ADIPOR2: variants seen among roughly 807,000 people sequenced by gnomAD.
ADIPOR2 encodes adiponectin receptor 2.
ADIPOR2 carries 18 observed loss-of-function variants against 40.9 expected under a neutral mutation model. The observed-to-expected ratio is 0.44, with a 90% CI of 0.30 to 0.65. The LOEUF is 0.65. ADIPOR2 is among the 30% of genes least tolerant of loss of function. The pLI, the probability that ADIPOR2 is intolerant of heterozygous loss-of-function variation, is 0.09. For missense variants in ADIPOR2, 283 were observed against 479.2 expected (o/e 0.59, Z 3.82); for synonymous variants, 165 against 166.4 (o/e 0.99, Z 0.06).
chr12:1,717,946 C>T (rs922006548), intron 1 of ADIPOR2, among the ~76,000 whole-genome samples: 1 of 152,054 alleles, frequency 6.6e-6, no homozygotes, highest in Non-Finnish European at 1.5e-5. Flanking sequence ...TATTACCCTA[C>T]CATGCTTGAA....
chr12:1,731,416 T>C (rs890941000), intron 1 of ADIPOR2, among the ~76,000 whole-genome samples: 1 of 152,212 alleles, frequency 6.6e-6, no homozygotes, highest in African/African-American at 2.4e-5. Context: ...GCATTAGGTA[T>C]ATTCACAATG....
chr12:1,737,993 G>T (rs1185439362), intron 1 of ADIPOR2, among the ~76,000 whole-genome samples: 2 of 151,930 alleles, frequency 1.3e-5, no homozygotes, highest in Non-Finnish European at 1.5e-5. Context: ...ACATACTAAG[G>T]CAGGGGTGGG....
chr12:1,753,245 C>T (rs149269368), intron 1 of ADIPOR2, among the ~76,000 whole-genome samples: 28 of 152,242 alleles, frequency 1.8e-4, no homozygotes, highest in Middle Eastern at 6.8e-3. Flanking sequence ...TTTGGTATTT[C>T]TGGTTGGATT....
intron 1 of ADIPOR2, among the ~76,000 whole-genome samples, chr12:1,733,659 A>C (rs760204891): frequency 6.6e-6 from 1 of 152,074 alleles, no homozygotes; most frequent in Non-Finnish European, 1.5e-5. Flanking sequence ...CACAACATGC[A>C]GGTTTGTTAC....
chr12:1,720,559 C>T (rs1285394778), intron 1 of ADIPOR2, among the ~76,000 whole-genome samples: 2 of 152,152 alleles, frequency 1.3e-5, no homozygotes, highest in African/African-American at 2.4e-5. Flanking sequence ...ATTAGATTCT[C>T]ATAAGGAGCG....
intron 1 of ADIPOR2, among the ~76,000 whole-genome samples, chr12:1,726,791 A>G (rs1243601538): frequency 3.3e-5 from 5 of 152,054 alleles, no homozygotes; most frequent in Admixed American, 3.3e-4. Context: ...TGTGTTTCCT[A>G]GTGCCAACTG....
intron 1 of ADIPOR2, among the ~76,000 whole-genome samples, chr12:1,740,997 C>T (rs1259667580): frequency 6.6e-6 from 1 of 151,976 alleles, no homozygotes; most frequent in African/African-American, 2.4e-5. Flanking sequence ...AGTTAAGTTC[C>T]CAGGCATGTT....
At chr12:1,712,030 G>T (rs945890568) in intron 1 of ADIPOR2, among the ~76,000 whole-genome samples, 1 of 152,118 alleles carries the variant, frequency 6.6e-6, no homozygotes, top group Non-Finnish European at 1.5e-5. Flanking sequence ...CTATCTGGCC[G>T]CTGGTCCCTG....
intron 1 of ADIPOR2, among the ~76,000 whole-genome samples, chr12:1,694,260 A>G (rs542700032): frequency 2.6e-5 from 4 of 152,338 alleles, no homozygotes; most frequent in Admixed American, 2.0e-4. Flanking sequence ...ACAATATGCT[A>G]CAGAGCCTCT....
chr12:1,784,621 T>C (rs143209903), intron 7 of ADIPOR2, among the ~76,000 whole-genome samples: 12 of 152,308 alleles, frequency 7.9e-5, no homozygotes, highest in Non-Finnish European at 1.5e-4. Context: ...TGATTTGTAA[T>C]GGGAGACTGA....
chr12:1,728,222 C>T (rs143546767), intron 1 of ADIPOR2, among the ~76,000 whole-genome samples: 4,038 of 151,866 alleles, frequency 0.027, 180 homozygotes, highest in African/African-American at 0.092. Flanking sequence ...AAGTGATTCT[C>T]CTGCCTCAGC....
chr12:1,768,658 CT>C (rs1046644742), intron 2 of ADIPOR2, among the ~76,000 whole-genome samples: 5 of 152,080 alleles, frequency 3.3e-5, no homozygotes, highest in Admixed American at 1.3e-4. Flanking sequence ...TCTTAAAGAC[CT>C]TTTATCTTTA....
At chr12:1,695,498 T>C (rs1233404889) in intron 1 of ADIPOR2, among the ~76,000 whole-genome samples, 1 of 146,756 alleles carries the variant, frequency 6.8e-6, no homozygotes, top group Admixed American at 7.0e-5. Flanking sequence ...CTACCAAAAA[T>C]ATATTAAAAA....
At chr12:1,770,486 C>G (rs113444444) in intron 2 of ADIPOR2, among the ~76,000 whole-genome samples, 1 of 152,034 alleles carries the variant, frequency 6.6e-6, no homozygotes, top group Admixed American at 6.5e-5. Context: ...ATTTTAAAAT[C>G]GGTCTGCTAT....
chr12:1,767,011 C>G (rs957109793), intron 2 of ADIPOR2, among the ~76,000 whole-genome samples: 2 of 151,828 alleles, frequency 1.3e-5, no homozygotes, highest in Non-Finnish European at 2.9e-5. Flanking sequence ...GGCTCACGCC[C>G]GTAATCCCAG....
chr12:1,720,532 G>T (rs1486464303), intron 1 of ADIPOR2, among the ~76,000 whole-genome samples: 5 of 152,216 alleles, frequency 3.3e-5, no homozygotes, highest in Non-Finnish European at 5.9e-5. Context: ...ATGGGAGACA[G>T]TGGCAGATCA....
chr12:1,692,744 A>G (rs116865286), intron 1 of ADIPOR2, among the ~76,000 whole-genome samples: 2,354 of 148,954 alleles, frequency 0.016, 24 homozygotes, highest in Middle Eastern at 0.056. Flanking sequence ...TTTTTTTAGT[A>G]TAAATCACAT....
Position 1,692,729 on chromosome 12 carries a change from CT to C in ADIPOR2, c.-87+1549del, listed in dbSNP as rs375848450. 2.5e-3 allele frequency among the ~76,000 whole-genome samples: 369 copies of C among 146,578 alleles called. 1 individual carries two copies. The highest frequency in any genetic ancestry group is 7.6e-3 in the African/African-American group (303 of 39,830). On this transcript the variant is annotated intron_variant, in intron 1 of 7. Transcript: ENST00000357103. ...CAATAGTATCAATTTAGCTGGTGCA[CT>C]TTTTTTTTTTAGTATAAATCACATT... is the stretch of plus-strand genomic sequence containing the variant.
At chr12:1,710,940 A>G (rs927423767) in intron 1 of ADIPOR2, among the ~76,000 whole-genome samples, 1 of 152,112 alleles carries the variant, frequency 6.6e-6, no homozygotes, top group African/African-American at 2.4e-5. Flanking sequence ...TAATAGCAAG[A>G]TGGCTGTTAC....
Sources: allele counts gnomAD v4.1 joint callset (sites outside exome capture counted in the v4.1 genomes callset), GRCh38; gene constraint gnomAD v4.1.1; transcripts MANE v1.5; gene names NCBI Gene and HGNC (gene_info 2026-07-23, HGNC 2026-07-21).